MSI2: variants seen among roughly 807,000 people sequenced by gnomAD.
MSI2 encodes RNA-binding protein Musashi homolog 2.
Under a neutral mutation model 45.6 loss-of-function variants are expected in MSI2, and 17 were observed. That is an observed-to-expected ratio of 0.37 (90% CI 0.26 to 0.56). The LOEUF is 0.56. MSI2 is among the 20% of genes least tolerant of loss of function. The probability of loss-of-function intolerance (pLI) is 0.77; values close to 1 mark genes in which losing one functional copy is unlikely to be tolerated. For synonymous variants in MSI2, 156 were observed against 158.2 expected (o/e 0.99, Z 0.11); for missense variants, 293 against 444.2 (o/e 0.66, Z 3.06).
In MSI2 at chr17:57,596,039, C is replaced by A. The variant is rs1320251213; in HGVS notation, c.455-829C>A. Among the ~76,000 whole-genome samples the A allele has an allele frequency of 6.6e-6, 1 of 152,196 alleles. No homozygotes were observed. Among genetic ancestry groups the A allele is most frequent in the Non-Finnish European group, 1.5e-5 (1 of 68,032 alleles). ...TGCATCCCATCCAAGGAGGGTGCAA[C>A]CCTGCATGGGGCCATGTGGTAAAGC... On this transcript the variant is annotated intron_variant, in intron 7 of 13. Coordinates refer to ENST00000284073, the MANE Select transcript of MSI2 (RefSeq NM_138962.4). This position sits in a 1 kb window ranked among gnomAD's most constrained non-coding sequence, Gnocchi z 4.6.
At chr17:57,375,577 A>T (rs556882391) in intron 5 of MSI2, among the ~76,000 whole-genome samples, 2 of 152,078 alleles carry the variant, frequency 1.3e-5, no homozygotes, top group Non-Finnish European at 2.9e-5. Flanking sequence ...AGCTTCTTGG[A>T]ATAGTTGAGG....
chr17:57,307,242 G>C (rs1224691950), intron 5 of MSI2, among the ~76,000 whole-genome samples: 1 of 152,170 alleles, frequency 6.6e-6, no homozygotes, highest in African/African-American at 2.4e-5. Context: ...TTGTGGATGT[G>C]ATTAACATTT....
At chr17:57,637,403 C>A (rs1194496282) in intron 10 of MSI2, among the ~76,000 whole-genome samples, 19 of 152,210 alleles carry the variant, frequency 1.2e-4, no homozygotes, top group Admixed American at 1.2e-3. Flanking sequence ...GAGCACGGTG[C>A]CTAATAGGCA....
At chr17:57,609,005 G>A (rs1001551873) in intron 8 of MSI2, among the ~76,000 whole-genome samples, 3 of 152,200 alleles carry the variant, frequency 2.0e-5, no homozygotes, top group Admixed American at 1.3e-4. Context: ...TGTGTGACAT[G>A]TGGTCTCTGG....
intron 11 of MSI2, among the ~76,000 whole-genome samples, chr17:57,673,918 C>A (rs1336773438): frequency 6.6e-6 from 1 of 151,086 alleles, no homozygotes; most frequent in South Asian, 2.1e-4. Flanking sequence ...TTGGTTCAGT[C>A]GGTATGTTCT....
At chr17:57,401,549 G>A (rs1049626694) in intron 6 of MSI2, 78 bp downstream of exon 6, 13 of 1,109,250 alleles carry the variant, frequency 1.2e-5, no homozygotes, top group Admixed American at 7.0e-5. Flanking sequence ...CGTGGCCCCC[G>A]CCCCTGCTAC....
chr17:57,462,041 G>T (rs1472937991), intron 6 of MSI2, among the ~76,000 whole-genome samples: 1 of 152,226 alleles, frequency 6.6e-6, no homozygotes, highest in Non-Finnish European at 1.5e-5. Context: ...GGTGCGGGCA[G>T]GGTTGGTTCC....
intron 6 of MSI2, among the ~76,000 whole-genome samples, chr17:57,464,090 A>C (rs1796125670): frequency 6.6e-6 from 1 of 151,500 alleles, no homozygotes; most frequent in South Asian, 2.1e-4. Context: ...CTTGGTTGAT[A>C]TTTTGGGAGA....
At chr17:57,600,827 TCTACTAAACA>T (rs1246999387) in intron 8 of MSI2, 2 of 152,198 alleles carry the variant, frequency 1.3e-5, no homozygotes, top group Admixed American at 6.5e-5. Context: ...AACTACATAC[TCTACTAAACA>T]CTTTATGCAT....
chr17:57,688,610 G>GA (rs1313926513), downstream of MSI2, among the ~76,000 whole-genome samples: 1 of 151,922 alleles, frequency 6.6e-6, no homozygotes, highest in Non-Finnish European at 1.5e-5. Context: ...AAATATCTTT[G>GA]AAAAATACAT....
chr17:57,458,135 C>G (rs2085152237), intron 6 of MSI2, among the ~76,000 whole-genome samples: 1 of 140,636 alleles, frequency 7.1e-6, no homozygotes, highest in Non-Finnish European at 1.5e-5. Context: ...GAGTCTCGCT[C>G]TGTCGCCCAG....
intron 7 of MSI2, among the ~76,000 whole-genome samples, chr17:57,581,002 A>ATT (rs1567914151): frequency 1.7e-5 from 1 of 58,246 alleles, no homozygotes; most frequent in Non-Finnish European, 3.6e-5. Context: ...TGAGGTCAGC[A>ATT]TCTTTTTTTT....
At chr17:57,257,049 T>G in intron 1 of MSI2, 49 bp from the exon 2 acceptor site, 1 of 1,434,134 alleles carries the variant, frequency 7.0e-7, no homozygotes, top group Non-Finnish European at 9.3e-7. Flanking sequence ...CACGTCAAAA[T>G]GGCCGATCTG....
chr17:57,333,915 T>A (rs1054532199), intron 5 of MSI2, among the ~76,000 whole-genome samples: 1 of 152,254 alleles, frequency 6.6e-6, no homozygotes, highest in Non-Finnish European at 1.5e-5. Context: ...CCAATCCATC[T>A]GTGTGGTTTA....
At chr17:57,459,850 C>T (rs896366536) in intron 6 of MSI2, among the ~76,000 whole-genome samples, 3 of 151,714 alleles carry the variant, frequency 2.0e-5, no homozygotes, top group Non-Finnish European at 2.9e-5. Context: ...AAAAATTAGC[C>T]GGGCACGGTG....
intron 5 of MSI2, among the ~76,000 whole-genome samples, chr17:57,317,163 T>G (rs908811232): frequency 4.6e-5 from 7 of 152,152 alleles, no homozygotes; most frequent in African/African-American, 1.7e-4. Context: ...GAAGCTTGAC[T>G]GCTGGAGTAC....
chr17:57,293,999 A>C (rs1236891660), intron 5 of MSI2, among the ~76,000 whole-genome samples: 4 of 151,102 alleles, frequency 2.6e-5, no homozygotes, highest in Admixed American at 2.6e-4. Context: ...TTGTTCAGGG[A>C]AACTGAAAAA....
chr17:57,536,459 A>G (rs72833078), intron 7 of MSI2, among the ~76,000 whole-genome samples: 1 of 152,142 alleles, frequency 6.6e-6, no homozygotes, highest in African/African-American at 2.4e-5. Context: ...GCAGCCTGCA[A>G]AAGATTGGCT....
intron 6 of MSI2, among the ~76,000 whole-genome samples, chr17:57,430,959 A>C (rs939577717): frequency 6.6e-6 from 1 of 152,250 alleles, no homozygotes; most frequent in African/African-American, 2.4e-5. Context: ...TTTTAGGAGC[A>C]CGGAGAAGAC....
Sources: allele counts gnomAD v4.1 joint callset (sites outside exome capture counted in the v4.1 genomes callset), GRCh38; gene constraint gnomAD v4.1.1; non-coding constraint Gnocchi (gnomAD v3.1); transcripts MANE v1.5; gene names NCBI Gene and HGNC (gene_info 2026-07-23, HGNC 2026-07-21).